Variants in BCL11B observed in about 807,000 individuals in gnomAD.
BCL11B encodes the protein BCL11 transcription factor B.
A neutral mutation model predicts 49.9 loss-of-function variants in BCL11B; 8 were observed. The observed-to-expected ratio is 0.16, with a 90% CI of 0.09 to 0.29. The LOEUF (loss-of-function observed/expected upper bound fraction) is 0.29. Ranked by LOEUF, BCL11B falls within the 10% of genes least tolerant of loss-of-function variation. BCL11B has a pLI of 1.00. For synonymous variants in BCL11B, 739 were observed against 637.4 expected (o/e 1.16, Z -2.40); for missense variants, 1,006 against 1,351.0 (o/e 0.74, Z 4.00).
chr14:99,170,706 G>A lies in BCL11B; in HGVS notation c.*3445C>T, dbSNP rs1886262288. 1 of 233,314 alleles carries A rather than the reference G, an allele frequency of 4.3e-6. No individual in the cohort carries two copies. 14.5% of individuals were successfully genotyped at this position (233,314 alleles called of 1,614,324 possible). ...GGAAACTGACGGAATGTAGGTTTCA[G>A]AGAGCAAAGCAGCAAAGCAGGGAAG... On this transcript the variant is annotated 3_prime_UTR_variant, in exon 4 of 4. Transcript: ENST00000357195.
At chr14:99,178,152 C>G (rs762602951) in intron 3 of BCL11B, among the ~76,000 whole-genome samples, 1 of 152,168 alleles carries the variant, frequency 6.6e-6, no homozygotes, top group Non-Finnish European at 1.5e-5. Flanking sequence ...CACTAGAAAC[C>G]GAGCCAGGCT....
chr14:99,254,735 C>T (rs1420273859), intron 2 of BCL11B, among the ~76,000 whole-genome samples: 1 of 152,222 alleles, frequency 6.6e-6, no homozygotes, highest in African/African-American at 2.4e-5. Context: ...ACAGCCGGCC[C>T]GGGGGCCAGG....
At chr14:99,246,220 A>T (rs1490560488) in intron 2 of BCL11B, among the ~76,000 whole-genome samples, 3 of 152,172 alleles carry the variant, frequency 2.0e-5, no homozygotes, top group Non-Finnish European at 4.4e-5. Flanking sequence ...CTTCCCAGCG[A>T]GGCCAGACGC....
chr14:99,271,299 C>CGCCGCTGCCGCCGCT lies in BCL11B; in HGVS notation c.-96_-82dup. On this transcript the variant is annotated 5_prime_UTR_variant, in exon 1 of 4. Coordinates refer to ENST00000357195, the MANE Select transcript of BCL11B (RefSeq NM_138576.4). ...GGGGAGGGGGTCCGAGCCGCCGCCG[C>CGCCGCTGCCGCCGCT]GCCGCTGCCGCCGCTGCCGCCGCCG... 1 of 752,596 alleles carries CGCCGCTGCCGCCGCT rather than the reference C, an allele frequency of 1.3e-6. No individual in the cohort carries two copies. Among genetic ancestry groups the CGCCGCTGCCGCCGCT allele is most frequent in the Non-Finnish European group, 1.7e-6 (1 of 575,896 alleles). The allele number at this position is 752,596 out of a possible 1,614,324, so 46.6% of individuals were successfully genotyped here. A position where few individuals can be genotyped will look rare whatever the true frequency, so the allele number is the denominator to read the frequency against.
chr14:99,271,338 A>C lies in BCL11B; in HGVS notation c.-120T>G, dbSNP rs1595091934. 1.5e-5 allele frequency: 6 copies of C among 412,832 alleles called. No homozygotes were observed. Among genetic ancestry groups the C allele is most frequent in the Non-Finnish European group, 2.3e-5 (6 of 265,320 alleles). The allele number at this position is 412,832 out of a possible 1,614,324, so 25.6% of individuals were successfully genotyped here. On this transcript the variant is annotated 5_prime_UTR_variant, in exon 1 of 4. Transcript: ENST00000357195. Reference sequence around the variant, plus strand: ...CTGCCGCCGCCGCCGCCGCCGCCGCACCTCCTCCTCTGCCCGGGTTGGTGT... The same window carrying C: ...CTGCCGCCGCCGCCGCCGCCGCCGCCCCTCCTCCTCTGCCCGGGTTGGTGT...
At position 99,257,369 on chromosome 14, in the gene BCL11B, TG is replaced by T; in HGVS notation, c.427+101del. The stretch of plus-strand genomic sequence containing the variant: ...CCGGCTGGTGGCCCAGAGGCCATCC[TG>T]GAAGCCCCTGGGCCTTCCCCTGCAC... On this transcript the variant is annotated intron_variant, in intron 2 of 3. Transcript: ENST00000357195. This position sits in a 1 kb window ranked among gnomAD's most constrained non-coding sequence, Gnocchi z 6.2. 1 of 1,414,684 alleles carries T rather than the reference TG, an allele frequency of 7.1e-7. No individual in the cohort carries two copies. Among genetic ancestry groups the T allele is most frequent in the Non-Finnish European group, 9.4e-7 (1 of 1,068,468 alleles). 87.6% of individuals were successfully genotyped at this position (1,414,684 alleles called of 1,614,324 possible). A position where few individuals can be genotyped will look rare whatever the true frequency, so the allele number is the denominator to read the frequency against.
chr14:99,201,137 G>C (rs6575712), intron 3 of BCL11B, among the ~76,000 whole-genome samples: 31,934 of 152,108 alleles, frequency 0.21, 3,559 homozygotes, highest in South Asian at 0.43. Flanking sequence ...GAGGGAAGTG[G>C]GCAGTAGCCC....
chr14:99,199,683 T>TGTGTGTGTGTGTGCGCGCGC (rs759599743), intron 3 of BCL11B, among the ~76,000 whole-genome samples: 28 of 73,624 alleles, frequency 3.8e-4, no homozygotes, highest in East Asian at 1.6e-3. Flanking sequence ...TGTGTGTGTG[T>TGTGTGTGTGTGTGCGCGCGC]GCGCGCGCGC....
intron 3 of BCL11B, among the ~76,000 whole-genome samples, chr14:99,206,840 G>C (rs1237401866): frequency 6.6e-6 from 1 of 152,126 alleles, no homozygotes; most frequent in Non-Finnish European, 1.5e-5. Context: ...GCATCCACTG[G>C]GTGTCTTGGA....
chr14:99,174,008 G>C lies in BCL11B; in HGVS notation c.*143C>G. The C allele has an allele frequency of 1.3e-6, 1 of 749,646 alleles. No homozygotes were observed. Among genetic ancestry groups the C allele is most frequent in the Non-Finnish European group, 2.2e-6 (1 of 463,828 alleles). The allele number at this position is 749,646 out of a possible 1,614,324, so 46.4% of individuals were successfully genotyped here. On this transcript the variant is annotated 3_prime_UTR_variant, in exon 4 of 4. Coordinates refer to ENST00000357195, the MANE Select transcript of BCL11B (RefSeq NM_138576.4). ...GTTTCCATAGGACTTCGCAGACACA[G>C]GTTAGGTTGGAGTGCCGCCTCCCCT...
intron 1 of BCL11B, among the ~76,000 whole-genome samples, chr14:99,267,957 C>T (rs528027965): frequency 6.6e-6 from 1 of 152,198 alleles, no homozygotes; most frequent in Non-Finnish European, 1.5e-5. Context: ...TTTAAGTACT[C>T]TTCCCTTCAC....
At chr14:99,219,388 G>A (rs1186670432) in intron 3 of BCL11B, among the ~76,000 whole-genome samples, 1 of 152,150 alleles carries the variant, frequency 6.6e-6, no homozygotes, top group Non-Finnish European at 1.5e-5. Flanking sequence ...ATTTGCTACG[G>A]CAGCCCTGGG....
rs1452042742 is a variant in BCL11B, at chr14:99,213,649, G to C, written c.640+17696C>G. Among the ~76,000 whole-genome samples, 1 of 152,216 alleles carries C rather than the reference G, an allele frequency of 6.6e-6. No homozygotes were observed. Among genetic ancestry groups the C allele is most frequent in the Non-Finnish European group, 1.5e-5 (1 of 68,034 alleles). On this transcript the variant is annotated intron_variant, in intron 3 of 3. Transcript: ENST00000357195. The surrounding 1 kb of genome is among the most constrained non-coding windows in gnomAD (Gnocchi z 5.1). ...ACACTCCCGGACGCCACAGGCTGCA[G>C]AGTCCATGAGCTTGGGCAGAGCACA...
At position 99,271,057 on chromosome 14, in the gene BCL11B, C is replaced by T. The variant is rs999083422; in HGVS notation, c.58+104G>A. The T allele has an allele frequency of 8.1e-6, 10 of 1,231,804 alleles. No individual in the cohort carries two copies. The African/African-American group carries it at 1.1e-4, about 14-fold the overall frequency. The allele number at this position is 1,231,804 out of a possible 1,614,324, so 76.3% of individuals were successfully genotyped here. On this transcript the variant is annotated intron_variant, in intron 1 of 3. Coordinates refer to ENST00000357195, the MANE Select transcript of BCL11B (RefSeq NM_138576.4). ...GTAGACTCTGCCAGCCAGCGGGCGG[C>T]CCCGGCGCCTGGCCAGGCTCGGCTG...
chr14:99,204,396 G>C (rs1162656875), intron 3 of BCL11B, among the ~76,000 whole-genome samples: 1 of 152,126 alleles, frequency 6.6e-6, no homozygotes, highest in Admixed American at 6.5e-5. Flanking sequence ...CTGAGCACCC[G>C]AGCTCTTCCA....
intron 3 of BCL11B, among the ~76,000 whole-genome samples, chr14:99,200,525 G>C (rs906819486): frequency 1.1e-4 from 16 of 152,358 alleles, no homozygotes; most frequent in African/African-American, 3.6e-4. Context: ...CTGGGGGCCT[G>C]GGCATCTGTC....
intron 1 of BCL11B, among the ~76,000 whole-genome samples, chr14:99,260,387 G>T (rs967803945): frequency 6.6e-6 from 1 of 152,008 alleles, no homozygotes; most frequent in Admixed American, 6.5e-5. Context: ...TTTAATCTTC[G>T]GTTTACTTTT....
In BCL11B at chr14:99,170,254, C is replaced by G. The variant is rs1442274369; in HGVS notation, c.*3897G>C. On this transcript the variant is annotated 3_prime_UTR_variant, in exon 4 of 4. Coordinates refer to ENST00000357195, the MANE Select transcript of BCL11B (RefSeq NM_138576.4). ...AAATCTCAGCTTTCTCTCCCATTCC[C>G]TCCCCCCTTTTTTTTAACTTTGCAA... 3 of 222,078 alleles carry G rather than the reference C, an allele frequency of 1.4e-5. No homozygotes were observed. Among genetic ancestry groups the G allele is most frequent in the East Asian group, 1.3e-4 (2 of 15,144 alleles). The allele number at this position is 222,078 out of a possible 1,614,324, so 13.8% of individuals were successfully genotyped here.
chr14:99,216,469 C>G, intron 3 of BCL11B, among the ~76,000 whole-genome samples: 1 of 152,214 alleles, frequency 6.6e-6, no homozygotes, highest in East Asian at 1.9e-4. Flanking sequence ...CCCTTATTCT[C>G]TCTGCAGCCA....
Sources: gnomAD v4.1 joint callset for allele counts (sites outside exome capture counted in the v4.1 genomes callset) on GRCh38, gnomAD v4.1.1 for gene constraint, Gnocchi (gnomAD v3.1) non-coding constraint, MANE v1.5 for transcripts, NCBI Gene and HGNC (gene_info 2026-07-23, HGNC 2026-07-21) for gene names.